Variants in ATP8A2 observed in about 807,000 individuals in gnomAD.
The protein encoded by ATP8A2 is phospholipid-transporting ATPase IB.
Under a neutral mutation model 165.6 loss-of-function variants are expected in ATP8A2, and 100 were observed. The observed-to-expected ratio is 0.60, with a 90% confidence interval of 0.51 to 0.71. The LOEUF (loss-of-function observed/expected upper bound fraction) is 0.71, where lower values mean the gene tolerates loss of function less well. ATP8A2 is among the 30% of genes least tolerant of loss of function. The probability of loss-of-function intolerance (pLI) is 0.00; values close to 1 mark genes in which losing one functional copy is unlikely to be tolerated. For synonymous variants in ATP8A2, 543 were observed against 548.8 expected (o/e 0.99, Z 0.15); for missense variants, 1,227 against 1,479.5 (o/e 0.83, Z 2.80).
chr13:25,485,083 T>C (rs2036310537), intron 2 of ATP8A2, among the ~76,000 whole-genome samples: 1 of 152,254 alleles, frequency 6.6e-6, no homozygotes, highest in African/African-American at 2.4e-5. Context: ...TTGACCATTC[T>C]AACAGTGATG....
chr13:25,396,005 A>G (rs867394786), intron 1 of ATP8A2, among the ~76,000 whole-genome samples: 1 of 152,070 alleles, frequency 6.6e-6, no homozygotes, highest in South Asian at 2.1e-4. Flanking sequence ...CACCATGCCC[A>G]GCTAATTTTT....
intron 33 of ATP8A2, among the ~76,000 whole-genome samples, chr13:25,949,171 A>C (rs1467883917): frequency 2.0e-5 from 3 of 152,196 alleles, no homozygotes; most frequent in Non-Finnish European, 4.4e-5. Flanking sequence ...AGTGAATGAA[A>C]TGAAATGGTG....
chr13:25,384,944 C>G lies in ATP8A2; in HGVS notation c.76+12656C>G, dbSNP rs144099864. On this transcript the variant is annotated intron_variant, in intron 1 of 36. Transcript: ENST00000381655. ...TGAGCAAGTGCAGGGATGGGTGGGA[C>G]ATGCCCCGGGTTGGGCTGCACCAGT... 1.7e-3 allele frequency among the ~76,000 whole-genome samples: 261 copies of G among 152,316 alleles called. 2 individuals are homozygous for G. The highest frequency in any genetic ancestry group is 3.0e-3 in the Non-Finnish European group (202 of 68,030).
At chr13:25,735,590 A>AT (rs949939373) in intron 25 of ATP8A2, among the ~76,000 whole-genome samples, 9 of 151,706 alleles carry the variant, frequency 5.9e-5, no homozygotes, top group African/African-American at 1.9e-4. Context: ...TAGAAAAAAA[A>AT]ACTGACAGCA....
intron 30 of ATP8A2, among the ~76,000 whole-genome samples, chr13:25,852,103 G>GT (rs1952022927): frequency 6.6e-6 from 1 of 152,162 alleles, no homozygotes; most frequent in African/African-American, 2.4e-5. Flanking sequence ...AATTCTCTCT[G>GT]TTAGACATTC....
At chr13:25,442,893 TTTG>T (rs1232807293) in intron 1 of ATP8A2, among the ~76,000 whole-genome samples, 2 of 152,148 alleles carry the variant, frequency 1.3e-5, no homozygotes, top group East Asian at 3.9e-4. Context: ...ACTCTGTCAA[TTTG>T]TTGTTGTTGT....
At chr13:26,008,693 A>G (rs936303279) in intron 35 of ATP8A2, among the ~76,000 whole-genome samples, 2 of 152,258 alleles carry the variant, frequency 1.3e-5, no homozygotes, top group African/African-American at 4.8e-5. Flanking sequence ...AAAGGGAATT[A>G]TTGTAAAAGC....
At chr13:25,867,324 G>A (rs1453164514) in intron 33 of ATP8A2, among the ~76,000 whole-genome samples, 1 of 152,108 alleles carries the variant, frequency 6.6e-6, no homozygotes, top group Non-Finnish European at 1.5e-5. Context: ...TGGATTTGTA[G>A]CAGGCCTAGG....
intron 24 of ATP8A2, among the ~76,000 whole-genome samples, chr13:25,679,223 G>C (rs901428967): frequency 1.3e-5 from 2 of 152,302 alleles, no homozygotes; most frequent in Admixed American, 6.5e-5. Context: ...TGGAAATCAA[G>C]ATGATAGGCT....
intron 25 of ATP8A2, among the ~76,000 whole-genome samples, chr13:25,711,187 T>C (rs1013902312): frequency 5.3e-5 from 8 of 152,034 alleles, no homozygotes; most frequent in African/African-American, 1.9e-4. Context: ...GTATTTTTAG[T>C]ACAGACAGGG....
chr13:25,699,069 A>T, intron 24 of ATP8A2, 104 bp from the exon 25 acceptor site: 1 of 861,430 alleles, frequency 1.2e-6, no homozygotes, highest in Non-Finnish European at 1.7e-6. Flanking sequence ...TATTTATATT[A>T]GAATGGGTGT....
At chr13:25,920,210 TC>T (rs922224573) in intron 33 of ATP8A2, among the ~76,000 whole-genome samples, 10 of 152,204 alleles carry the variant, frequency 6.6e-5, no homozygotes, top group African/African-American at 2.4e-4. Context: ...AGGTTTGGGT[TC>T]TACACCTCAG....
At chr13:25,616,424 T>A (rs1414389359) in intron 24 of ATP8A2, among the ~76,000 whole-genome samples, 5 of 147,982 alleles carry the variant, frequency 3.4e-5, no homozygotes, top group Admixed American at 2.7e-4. Context: ...CTCCGCCTCC[T>A]GGGTTCAAGT....
chr13:25,454,690 G>A (rs563689749), intron 1 of ATP8A2, among the ~76,000 whole-genome samples: 2 of 152,298 alleles, frequency 1.3e-5, no homozygotes, highest in South Asian at 2.1e-4. Flanking sequence ...TTGGGAGGCC[G>A]AGGTGGGTGA....
intron 1 of ATP8A2, among the ~76,000 whole-genome samples, chr13:25,382,625 T>G (rs2032878810): frequency 6.6e-6 from 1 of 152,220 alleles, no homozygotes; most frequent in Admixed American, 6.5e-5. Flanking sequence ...ATTTTAGCCA[T>G]TTGATAGATG....
intron 28 of ATP8A2, among the ~76,000 whole-genome samples, chr13:25,828,870 G>A (rs1593411382): frequency 2.0e-5 from 3 of 152,280 alleles, no homozygotes; most frequent in South Asian, 4.1e-4. Flanking sequence ...GAAGAACTAA[G>A]GGGCATGTAG....
chr13:25,459,879 C>T (rs1466049050), intron 1 of ATP8A2, among the ~76,000 whole-genome samples: 1 of 152,098 alleles, frequency 6.6e-6, no homozygotes, highest in Non-Finnish European at 1.5e-5. Context: ...AGCCATGAGC[C>T]TTTGGCCAAG....
chr13:25,772,524 CGATGA>C (rs2044644476), intron 26 of ATP8A2, among the ~76,000 whole-genome samples: 1 of 151,964 alleles, frequency 6.6e-6, no homozygotes, highest in South Asian at 2.1e-4. Flanking sequence ...CACTTCGAAG[CGATGA>C]TTTAGATTCC....
At chr13:25,695,828 T>C (rs2042823608) in intron 24 of ATP8A2, among the ~76,000 whole-genome samples, 1 of 152,164 alleles carries the variant, frequency 6.6e-6, no homozygotes, top group Non-Finnish European at 1.5e-5. Context: ...TGCATGAGGG[T>C]TGAAATCAAC....
Sources: gnomAD v4.1 joint callset for allele counts (sites outside exome capture counted in the v4.1 genomes callset) on GRCh38, gnomAD v4.1.1 for gene constraint, MANE v1.5 for transcripts, NCBI Gene and HGNC (gene_info 2026-07-23, HGNC 2026-07-21) for gene names.